TBX2: variants seen among roughly 807,000 people sequenced by gnomAD.
TBX2 encodes the protein T-box transcription factor 2.
In TBX2, 19 loss-of-function variants were observed where a neutral mutation model predicts 48.4. That is an observed-to-expected ratio of 0.39 (90% CI 0.27 to 0.58). TBX2 has a LOEUF of 0.58. Among genes scored for constraint, TBX2 ranks in the 20% least tolerant of loss-of-function variants. TBX2 has a pLI of 0.54. For missense variants in TBX2, 994 were observed against 1,006.5 expected, an observed-to-expected ratio of 0.99 and a Z score of 0.17; for synonymous variants, 522 against 459.7, an observed-to-expected ratio of 1.14 and a Z score of -1.73.
rs752316214 is a variant in TBX2, at chr17:61,401,905, T to A, written c.617T>A (p.Phe206Tyr). The A allele has an allele frequency of 2.5e-6, 4 of 1,611,606 alleles. No homozygotes were observed. Among genetic ancestry groups the A allele is most frequent in the Non-Finnish European group, 3.4e-6 (4 of 1,179,086 alleles). ...CAGTGGATGGCTAAGCCTGTGGCCTTCCACAAGCTGAAGCTGACCAACAAC... is the reference window on the plus strand; with the variant it reads ...CAGTGGATGGCTAAGCCTGTGGCCTACCACAAGCTGAAGCTGACCAACAAC... ...GEQWMAKPVA[F>Y]HKLKLTNNIS... Residue 206 changes from phenylalanine (F) to tyrosine (Y), a missense_variant, in exon 2 of 7, where the codon TTC becomes TAC. Coordinates refer to ENST00000240328, the MANE Select transcript of TBX2 (RefSeq NM_005994.4).
In TBX2 at chr17:61,400,294, G is replaced by A; in HGVS notation, c.118G>A (p.Ala40Thr). The A allele has an allele frequency of 8.8e-7, 1 of 1,135,322 alleles. No homozygotes were observed. The highest frequency in any genetic ancestry group is 3.0e-5 in the Admixed American group (1 of 32,988). The allele number at this position is 1,135,322 out of a possible 1,614,324, so 70.3% of individuals were successfully genotyped here. A position where few individuals can be genotyped will look rare whatever the true frequency, so the allele number is the denominator to read the frequency against. ...GGCGGCGCAGCCCTCCTTCTTCCCG[G>A]CACTCGCGCTGCCGCCCGGCGCGCT... is the stretch of plus-strand genomic sequence containing the variant. The part of the protein sequence containing the change: ...LAAAQPSFFP[A>T]LALPPGALAK... Residue 40 changes from alanine (A) to threonine (T), a missense_variant, in exon 1 of 7, where the codon GCA becomes ACA. Around this residue, in one of 5 missense-constraint regions of TBX2, gnomAD observed 165 missense variants for 136.8 expected, o/e 1.21. Transcript: ENST00000240328. This position sits in a 1 kb window ranked among gnomAD's most constrained non-coding sequence, Gnocchi z 9.2.
In TBX2 at chr17:61,408,184, T is replaced by C. The variant is rs1208240880; in HGVS notation, c.1817T>C (p.Leu606Pro). ...AAAAAAAAGS[L>P]SRSPFLGSAR... ...GCCGCCGCCGCAGCCGCCGGCTCCC[T>C]CTCCCGGAGCCCCTTCCTGGGCAGT... The change falls in exon 7 of 7, where the codon CTC (leucine) becomes CCC (proline). Residue 606 changes from leucine to proline, a missense_variant. Coordinates refer to ENST00000240328, the MANE Select transcript of TBX2 (RefSeq NM_005994.4). 1.2e-6 allele frequency: 2 copies of C among 1,612,588 alleles called. No homozygotes were observed. The highest frequency in any genetic ancestry group is 2.7e-5 in the African/African-American group (2 of 74,886).
intron 5 of TBX2, 141 bp downstream of exon 5, chr17:61,404,910 C>T: frequency 7.5e-7 from 1 of 1,331,660 alleles, no homozygotes; most frequent in Non-Finnish European, 1.0e-6. Flanking sequence ...GGGTTTCCGT[C>T]CCGGGACTCC....
chr17:61,406,037 G>A lies in TBX2; in HGVS notation c.1686+201G>A. Reference sequence around the variant, plus strand: ...GGACTGTGTTGTAAGTCCAGGGGCTGGCCAGGGCGCCGCTTCTGACTCCCG... The same window carrying A: ...GGACTGTGTTGTAAGTCCAGGGGCTAGCCAGGGCGCCGCTTCTGACTCCCG... On this transcript the variant is annotated intron_variant, in intron 6 of 6. Coordinates refer to ENST00000240328, the MANE Select transcript of TBX2 (RefSeq NM_005994.4). The surrounding 1 kb of genome is among the most constrained non-coding windows in gnomAD (Gnocchi z 5.7). The A allele has an allele frequency of 2.0e-6, 1 of 493,478 alleles. No homozygotes were observed. Among genetic ancestry groups the A allele is most frequent in the African/African-American group, 2.0e-5 (1 of 50,272 alleles). The allele number at this position is 493,478 out of a possible 1,614,324, so 30.6% of individuals were successfully genotyped here.
chr17:61,404,977 C>A (rs1375872556), intron 5 of TBX2: 13 of 1,262,904 alleles, frequency 1.0e-5, no homozygotes, highest in Non-Finnish European at 1.3e-5. Flanking sequence ...AGCCTGGCCC[C>A]TTGGGCGCCG....
chr17:61,407,860 C>T, intron 6 of TBX2, 194 bp from the exon 7 acceptor site: 2 of 636,682 alleles, frequency 3.1e-6, no homozygotes, highest in Non-Finnish European at 2.6e-6. Context: ...GAAGCGATCT[C>T]ACCCTTCTAA....
At position 61,408,529 on chromosome 17, in the gene TBX2, G is replaced by A; in HGVS notation, c.*23G>A. On this transcript the variant is annotated 3_prime_UTR_variant, in exon 7 of 7. Coordinates refer to ENST00000240328, the MANE Select transcript of TBX2 (RefSeq NM_005994.4). Reference sequence around the variant, plus strand: ...TGAGGGGCTGCCCAGCTGCTCCCCTGCCACGCAGGCCACCCGGGCTGCCTG... The same window carrying A: ...TGAGGGGCTGCCCAGCTGCTCCCCTACCACGCAGGCCACCCGGGCTGCCTG... The A allele has an allele frequency of 2.8e-6, 4 of 1,429,860 alleles. No homozygotes were observed. Among genetic ancestry groups the A allele is most frequent in the Non-Finnish European group, 3.7e-6 (4 of 1,093,784 alleles). The allele number at this position is 1,429,860 out of a possible 1,614,324, so 88.6% of individuals were successfully genotyped here.
rs543377078 is a variant in TBX2 at position 61,400,808 on chromosome 17, C to T, written c.395+237C>T. Among the ~76,000 whole-genome samples the T allele has an allele frequency of 2.0e-3, 310 of 152,310 alleles. 2 individuals carry two copies. The highest frequency in any genetic ancestry group is 3.0e-3 in the Non-Finnish European group (206 of 68,020). The stretch of plus-strand genomic sequence containing the variant: ...TCCTCCGAATGAAATAAAACGAAAA[C>T]ATACTGCTAAAGAATAGCCCCAACC... On this transcript the variant is annotated intron_variant, in intron 1 of 6. Coordinates refer to ENST00000240328, the MANE Select transcript of TBX2 (RefSeq NM_005994.4). This position sits in a 1 kb window ranked among gnomAD's most constrained non-coding sequence, Gnocchi z 9.2.
Position 61,403,281 on chromosome 17 carries a change from A to ATCGCCCC in TBX2, c.810+78_810+84dup. On this transcript the variant is annotated intron_variant, in intron 3 of 6. Coordinates refer to ENST00000240328, the MANE Select transcript of TBX2 (RefSeq NM_005994.4). The surrounding 1 kb of genome is among the most constrained non-coding windows in gnomAD (Gnocchi z 5.8). ...CACGTGCAGGCCCAACCGTCCGTTCATCGCCCCTCGAAGCCCCCTGCACGG... is the reference window on the plus strand; with the variant it reads ...CACGTGCAGGCCCAACCGTCCGTTCATCGCCCCTCGCCCCTCGAAGCCCCCTGCACGG... 6.4e-7 allele frequency: 1 copy of ATCGCCCC among 1,572,366 alleles called. No homozygotes were observed. Among genetic ancestry groups the ATCGCCCC allele is most frequent in the Non-Finnish European group, 8.6e-7 (1 of 1,168,290 alleles).
rs572862048 is a variant in TBX2, at chr17:61,404,310, G to A, written c.811-111G>A. 8 of 1,358,722 alleles carry A rather than the reference G, an allele frequency of 5.9e-6. No homozygotes were observed. In the South Asian group the frequency reaches 1.0e-4, roughly 18 times the overall value. The allele number at this position is 1,358,722 out of a possible 1,614,324, so 84.2% of individuals were successfully genotyped here. On this transcript the variant is annotated intron_variant, in intron 3 of 6. Transcript: ENST00000240328. ...ATCCCAGGCGGGTGGGTACCAAGTG[G>A]ACGCTCCCCGGGTCTTCCCTCTGCG...
chr17:61,402,080 G>A lies in TBX2; in HGVS notation c.663+129G>A, dbSNP rs1055041042. On this transcript the variant is annotated intron_variant, in intron 2 of 6. Coordinates refer to ENST00000240328, the MANE Select transcript of TBX2 (RefSeq NM_005994.4). ...GCAAACCCCCAGAGTGCCCCTGCCC[G>A]GGTCACTGCCCTGTGGTCTACGTGG... 2.8e-5 allele frequency: 38 copies of A among 1,364,640 alleles called. No individual in the cohort carries two copies. In the African/African-American group the frequency reaches 4.1e-4, roughly 15 times the overall value. The allele number at this position is 1,364,640 out of a possible 1,614,324, so 84.5% of individuals were successfully genotyped here. A position where few individuals can be genotyped will look rare whatever the true frequency, so the allele number is the denominator to read the frequency against.
Position 61,403,270 on chromosome 17 carries a change from A to G in TBX2, c.810+63A>G. 1 of 1,579,928 alleles carries G rather than the reference A, an allele frequency of 6.3e-7. No homozygotes were observed. The highest frequency in any genetic ancestry group is 1.1e-5 in the South Asian group (1 of 87,918). ...ACGCCCCTCAACACGTGCAGGCCCAACCGTCCGTTCATCGCCCCTCGAAGC... is the reference window on the plus strand; with the variant it reads ...ACGCCCCTCAACACGTGCAGGCCCAGCCGTCCGTTCATCGCCCCTCGAAGC... On this transcript the variant is annotated intron_variant, in intron 3 of 6. Transcript: ENST00000240328. This position sits in a 1 kb window ranked among gnomAD's most constrained non-coding sequence, Gnocchi z 5.8.
At chr17:61,402,629 G>A (rs973002234) in intron 2 of TBX2, among the ~76,000 whole-genome samples, 7 of 152,122 alleles carry the variant, frequency 4.6e-5, no homozygotes, top group Admixed American at 4.6e-4. Flanking sequence ...GGGTTAGGGG[G>A]TTTACCAGTG....
chr17:61,400,365 G>T lies in TBX2; in HGVS notation c.189G>T (p.Ala63=). Residue 63 remains alanine, a synonymous_variant, in exon 1 of 7, where the codon GCG becomes GCT. Transcript: ENST00000240328. The surrounding 1 kb of genome is among the most constrained non-coding windows in gnomAD (Gnocchi z 9.2). ...CGGGCCTGGCGGGGGCGGCGGCCGC[G>T]GCGGCGGCGGCGGCAGCAGCGGCCG... The part of the protein sequence containing the change: ...PDPGLAGAAA[A]AAAAAAAAEA... 9.7e-7 allele frequency: 1 copy of T among 1,027,466 alleles called. No individual in the cohort carries two copies. Among genetic ancestry groups the T allele is most frequent in the Non-Finnish European group, 1.2e-6 (1 of 858,730 alleles). The allele number at this position is 1,027,466 out of a possible 1,614,324, so 63.6% of individuals were successfully genotyped here.
In TBX2 at chr17:61,400,132, C is replaced by T. The variant is rs878912242; in HGVS notation, c.-45C>T. The T allele has an allele frequency of 3.1e-6, 3 of 968,474 alleles. No individual in the cohort carries two copies. Among genetic ancestry groups the T allele is most frequent in the African/African-American group, 3.5e-5 (2 of 56,348 alleles). 60.0% of individuals were successfully genotyped at this position (968,474 alleles called of 1,614,324 possible). ...GGGCCGGGGGTCCGAGCCGCGCGCC[C>T]CCGGCCCCGGCCCCGGCCCCCGGGC... On this transcript the variant is annotated 5_prime_UTR_variant, in exon 1 of 7. Transcript: ENST00000240328. The surrounding 1 kb of genome is among the most constrained non-coding windows in gnomAD (Gnocchi z 9.2).
chr17:61,403,916 C>T lies in TBX2; in HGVS notation c.811-505C>T, dbSNP rs8075606. ...CAAGGTGTACGCTGGGCTGTGCGTG[C>T]CCCGTTTGGGGTGTGTTGGATACCT... On this transcript the variant is annotated intron_variant, in intron 3 of 6. Transcript: ENST00000240328. This position sits in a 1 kb window ranked among gnomAD's most constrained non-coding sequence, Gnocchi z 5.8. 0.095 allele frequency among the ~76,000 whole-genome samples: 14,410 copies of T among 152,080 alleles called. 936 individuals are homozygous for T. Among genetic ancestry groups the T allele is most frequent in the East Asian group, 0.29 (1,488 of 5,134 alleles).
In TBX2 at chr17:61,400,512, G is replaced by A. The variant is rs749885279; in HGVS notation, c.336G>A (p.Lys112=). 1 of 1,597,026 alleles carries A rather than the reference G, an allele frequency of 6.3e-7. No individual in the cohort carries two copies. The highest frequency in any genetic ancestry group is 1.7e-5 in the Admixed American group (1 of 57,802). ...ACCCCAAGGTGACGCTGGAGGCCAA[G>A]GAGCTGTGGGACCAGTTCCACAAGC... is the stretch of plus-strand genomic sequence containing the variant. ...EDDPKVTLEA[K]ELWDQFHKLG... is the part of the protein sequence containing the mutation. The change falls in exon 1 of 7, where the codon AAG becomes AAA. Residue 112 remains lysine, a synonymous_variant. Coordinates refer to ENST00000240328, the MANE Select transcript of TBX2 (RefSeq NM_005994.4). The surrounding 1 kb of genome is among the most constrained non-coding windows in gnomAD (Gnocchi z 9.2).
chr17:61,399,854 G>A lies in TBX2; in HGVS notation c.-323G>A, dbSNP rs1220372909. 1 of 152,044 alleles carries A rather than the reference G, an allele frequency of 6.6e-6. No individual in the cohort carries two copies. Among genetic ancestry groups the A allele is most frequent in the Non-Finnish European group, 1.5e-5 (1 of 68,038 alleles). 9.4% of individuals were successfully genotyped at this position (152,044 alleles called of 1,614,324 possible). ...GGGGGGCCTGGCTCGTTAGCGCAGGGGATCCGAGCTGGGCAGGACATGTGA... is the reference window on the plus strand; with the variant it reads ...GGGGGGCCTGGCTCGTTAGCGCAGGAGATCCGAGCTGGGCAGGACATGTGA... On this transcript the variant is annotated 5_prime_UTR_variant, in exon 1 of 7. Coordinates refer to ENST00000240328, the MANE Select transcript of TBX2 (RefSeq NM_005994.4). The surrounding 1 kb of genome is among the most constrained non-coding windows in gnomAD (Gnocchi z 4.7).
rs199812690 is a variant in TBX2 at position 61,403,229 on chromosome 17, C to T, written c.810+22C>T. On this transcript the variant is annotated intron_variant, in intron 3 of 6. Coordinates refer to ENST00000240328, the MANE Select transcript of TBX2 (RefSeq NM_005994.4). This position sits in a 1 kb window ranked among gnomAD's most constrained non-coding sequence, Gnocchi z 5.8. ...CAAGGTGCGCGCGGCGGGCGGTGGGCTAAGCCCCTGCACTGACGCCCCTCA... is the reference window on the plus strand; with the variant it reads ...CAAGGTGCGCGCGGCGGGCGGTGGGTTAAGCCCCTGCACTGACGCCCCTCA... 1.6e-5 allele frequency: 26 copies of T among 1,610,056 alleles called. No homozygotes were observed. The highest frequency in any genetic ancestry group is 3.3e-5 in the Admixed American group (2 of 59,942).
Sources: gnomAD v4.1 joint callset for allele counts (sites outside exome capture counted in the v4.1 genomes callset) on GRCh38, gnomAD v4.1.1 for gene constraint, gnomAD v4.1.1 regional missense constraint, Gnocchi (gnomAD v3.1) non-coding constraint, MANE v1.5 for transcripts, NCBI Gene and HGNC (gene_info 2026-07-23, HGNC 2026-07-21) for gene names.